Variants in RPS6KB1 observed in about 807,000 individuals in gnomAD.
RPS6KB1 encodes ribosomal protein S6 kinase beta-1.
Under a neutral mutation model 70.2 loss-of-function variants are expected in RPS6KB1, and 12 were observed. The observed-to-expected ratio is 0.17, with a 90% confidence interval of 0.11 to 0.28. The LOEUF (loss-of-function observed/expected upper bound fraction) is 0.28. Ranked by LOEUF, RPS6KB1 falls within the 10% of genes least tolerant of loss-of-function variation. RPS6KB1 has a pLI of 1.00. For missense variants in RPS6KB1, 270 were observed against 646.6 expected (o/e 0.42, Z 6.32); for synonymous variants, 175 against 211.2 (o/e 0.83, Z 1.49).
At chr17:59,921,641 G>A (rs548754536) in intron 4 of RPS6KB1, among the ~76,000 whole-genome samples, 146 of 152,248 alleles carry the variant, frequency 9.6e-4, no homozygotes, top group African/African-American at 3.4e-3. Context: ...TCCTGGGACT[G>A]TTTACTTCTT....
chr17:59,926,747 G>A (rs2043630732), intron 5 of RPS6KB1, among the ~76,000 whole-genome samples, 165 bp downstream of exon 5: 1 of 151,924 alleles, frequency 6.6e-6, no homozygotes, highest in African/African-American at 2.4e-5. Flanking sequence ...TGTTTCTATT[G>A]GCAGACAAAT....
At chr17:59,909,536 G>A (rs1215862107) in intron 1 of RPS6KB1, among the ~76,000 whole-genome samples, 1 of 151,036 alleles carries the variant, frequency 6.6e-6, no homozygotes, top group Non-Finnish European at 1.5e-5. Context: ...AAAGTGCTGG[G>A]ATTACAGGTG....
At chr17:59,923,302 G>T (rs1420698182) in intron 4 of RPS6KB1, among the ~76,000 whole-genome samples, 1 of 151,622 alleles carries the variant, frequency 6.6e-6, no homozygotes, top group African/African-American at 2.4e-5. Flanking sequence ...AGTCATTCTC[G>T]TGCCTCAGCC....
At position 59,893,549 on chromosome 17, in the gene RPS6KB1, C is replaced by T. The variant is rs2041276588; in HGVS notation, c.141+224C>T. ...TCGCACCCTTAGCCCCAGGTCAGCG[C>T]AGCCCCGAGCGATCTGAAGAGGGAA... On this transcript the variant is annotated intron_variant, in intron 1 of 14. Transcript: ENST00000225577. This position sits in a 1 kb window ranked among gnomAD's most constrained non-coding sequence, Gnocchi z 4.1. Among the ~76,000 whole-genome samples the T allele has an allele frequency of 6.6e-6, 1 of 152,186 alleles. No individual in the cohort carries two copies. Among genetic ancestry groups the T allele is most frequent in the African/African-American group, 2.4e-5 (1 of 41,456 alleles).
At chr17:59,924,309 A>G (rs566888752) in intron 4 of RPS6KB1, among the ~76,000 whole-genome samples, 11 of 149,832 alleles carry the variant, frequency 7.3e-5, no homozygotes, top group South Asian at 2.1e-4. Flanking sequence ...AGCCTGGGTG[A>G]CAGAGTGAGA....
intron 4 of RPS6KB1, 55 bp downstream of exon 4, chr17:59,914,758 T>C: frequency 2.4e-6 from 3 of 1,253,790 alleles, no homozygotes; most frequent in East Asian, 2.4e-5. Context: ...ACACTTGATC[T>C]CAGCCAAAAG....
intron 10 of RPS6KB1, among the ~76,000 whole-genome samples, chr17:59,935,919 C>T (rs1399367692): frequency 6.6e-6 from 1 of 152,010 alleles, no homozygotes; most frequent in African/African-American, 2.4e-5. Flanking sequence ...TCAAGTGATT[C>T]TCCTGCCTCA....
intron 4 of RPS6KB1, among the ~76,000 whole-genome samples, chr17:59,924,423 A>G (rs950198828): frequency 2.0e-5 from 3 of 152,072 alleles, no homozygotes; most frequent in African/African-American, 7.2e-5. Flanking sequence ...GTGTATTCCT[A>G]TTGTATTCAG....
At chr17:59,919,720 T>C (rs1019273519) in intron 4 of RPS6KB1, among the ~76,000 whole-genome samples, 1 of 152,006 alleles carries the variant, frequency 6.6e-6, no homozygotes, top group African/African-American at 2.4e-5. Context: ...TTCGACTTAG[T>C]ATGGAGATGG....
At chr17:59,932,111 T>C (rs546557532) in intron 7 of RPS6KB1, among the ~76,000 whole-genome samples, 62 of 152,076 alleles carry the variant, frequency 4.1e-4, no homozygotes, top group East Asian at 2.9e-3. Flanking sequence ...ATAATGAAAA[T>C]ATGTAAATAT....
At chr17:59,907,611 A>G (rs1398230488) in intron 1 of RPS6KB1, among the ~76,000 whole-genome samples, 2 of 150,730 alleles carry the variant, frequency 1.3e-5, no homozygotes, top group South Asian at 2.1e-4. Context: ...AATCACTGCC[A>G]CATTGTAGCC....
intron 1 of RPS6KB1, among the ~76,000 whole-genome samples, chr17:59,906,817 C>G (rs1359932678): frequency 6.6e-6 from 1 of 151,972 alleles, no homozygotes; most frequent in African/African-American, 2.4e-5. Context: ...CCTCAACTTC[C>G]CGAGTAGCTG....
intron 4 of RPS6KB1, among the ~76,000 whole-genome samples, chr17:59,919,702 G>A (rs769310818): frequency 4.6e-5 from 7 of 151,874 alleles, no homozygotes; most frequent in Non-Finnish European, 7.4e-5. Context: ...CTCTCCTAGG[G>A]TTAGTTCTTC....
At chr17:59,939,362 G>A (rs2044445113) in intron 12 of RPS6KB1, among the ~76,000 whole-genome samples, 1 of 152,094 alleles carries the variant, frequency 6.6e-6, no homozygotes, top group African/African-American at 2.4e-5. Flanking sequence ...GTCTACTGCA[G>A]CCTTGACTTC....
intron 4 of RPS6KB1, among the ~76,000 whole-genome samples, chr17:59,915,775 C>CT (rs71370143): frequency 0.015 from 1,154 of 77,730 alleles, 81 homozygotes; most frequent in African/African-American, 0.051. Context: ...CTACTGCTAT[C>CT]TTTTTTTTTT....
rs146100977 is a variant in RPS6KB1 at position 59,919,277 on chromosome 17, C to T, written c.381+4574C>T. 2.7e-3 allele frequency among the ~76,000 whole-genome samples: 417 copies of T among 152,236 alleles called. 1 individual carries two copies. Among genetic ancestry groups the T allele is most frequent in the African/African-American group, 9.0e-3 (374 of 41,538 alleles). On this transcript the variant is annotated intron_variant, in intron 4 of 14. Coordinates refer to ENST00000225577, the MANE Select transcript of RPS6KB1 (RefSeq NM_003161.4). ...TGGTGGCTCACGCCTGTAATCCCAGCACTTTCGGAGGCTGAGGCAGGTTGA... is the reference window on the plus strand; with the variant it reads ...TGGTGGCTCACGCCTGTAATCCCAGTACTTTCGGAGGCTGAGGCAGGTTGA...
chr17:59,893,835 G>C lies in RPS6KB1; in HGVS notation c.141+510G>C. The C allele has an allele frequency of 2.0e-6, 2 of 986,092 alleles. No individual in the cohort carries two copies. Among genetic ancestry groups the C allele is most frequent in the Non-Finnish European group, 2.4e-6 (2 of 830,376 alleles). The allele number at this position is 986,092 out of a possible 1,614,324, so 61.1% of individuals were successfully genotyped here. On this transcript the variant is annotated intron_variant, in intron 1 of 14. Coordinates refer to ENST00000225577, the MANE Select transcript of RPS6KB1 (RefSeq NM_003161.4). The surrounding 1 kb of genome is among the most constrained non-coding windows in gnomAD (Gnocchi z 4.1). ...TTAGAAGTGACAGCTGAAAACTTCT[G>C]TCGGGAGTAGCACTGCCGCTGCTGT...
At chr17:59,940,739 T>C (rs2044528097) in intron 12 of RPS6KB1, 97 bp from the exon 13 acceptor site, 2 of 653,032 alleles carry the variant, frequency 3.1e-6, no homozygotes, top group Non-Finnish European at 5.1e-6. Flanking sequence ...TTTATTATAG[T>C]TAACCCCCGT....
In RPS6KB1 at chr17:59,948,676, C is replaced by G. The variant is rs1436223664; in HGVS notation, c.*1888C>G. 1 of 152,232 alleles carries G rather than the reference C, an allele frequency of 6.6e-6. No individual in the cohort carries two copies. The highest frequency in any genetic ancestry group is 2.4e-5 in the African/African-American group (1 of 41,420). The allele number at this position is 152,232 out of a possible 1,614,324, so 9.4% of individuals were successfully genotyped here. On this transcript the variant is annotated 3_prime_UTR_variant, in exon 15 of 15. Coordinates refer to ENST00000225577, the MANE Select transcript of RPS6KB1 (RefSeq NM_003161.4). ...GAAAGCCTTTAAAAAAAAAATCACT[C>G]CCTCTTCCCCCTCCTCCCTTATTGC...
Sources: allele counts gnomAD v4.1 joint callset (sites outside exome capture counted in the v4.1 genomes callset), GRCh38; gene constraint gnomAD v4.1.1; non-coding constraint Gnocchi (gnomAD v3.1); transcripts MANE v1.5; gene names NCBI Gene and HGNC (gene_info 2026-07-23, HGNC 2026-07-21).